Variants in KIF24 observed in about 807,000 individuals in gnomAD.
The protein encoded by KIF24 is kinesin family member 24.
A neutral mutation model predicts 118.9 loss-of-function variants in KIF24; 81 were observed. The ratio of observed to expected loss-of-function variants is 0.68; its 90% CI spans 0.57 to 0.82. The LOEUF (loss-of-function observed/expected upper bound fraction) is 0.82, where lower values mean the gene tolerates loss of function less well. Among genes scored for constraint, KIF24 ranks in the 40% least tolerant of loss-of-function variants. The probability of loss-of-function intolerance (pLI) is 0.00; values close to 1 mark genes in which losing one functional copy is unlikely to be tolerated. For missense variants in KIF24, 1,560 were observed against 1,661.6 expected (o/e 0.94, Z 1.06); for synonymous variants, 599 against 610.0 (o/e 0.98, Z 0.27).
chr9:34,311,423 A>G, intron 1 of KIF24, 52 bp from the exon 2 acceptor site: 4 of 921,194 alleles, frequency 4.3e-6, no homozygotes, highest in Non-Finnish European at 4.5e-6. Flanking sequence ...ATGTAATACA[A>G]TTATTTATTT....
At position 34,256,242 on chromosome 9, in the gene KIF24, T is replaced by TTATTATCAGGGGGAGATGAGGACAG. The variant is rs1352923535; in HGVS notation, c.3340_3364dup (p.Lys1122ThrfsTer7). On this transcript the variant is annotated stop_gained and frameshift_variant, in exon 11 of 13. Transcript: ENST00000402558. LOFTEE classifies it high-confidence loss of function. Reference sequence around the variant, plus strand: ...CAGAGCTGGAAGATCACCACCAGGCTTATTATCAGGGGGAGATGAGGACAG... The same window carrying TTATTATCAGGGGGAGATGAGGACAG: ...CAGAGCTGGAAGATCACCACCAGGCTTATTATCAGGGGGAGATGAGGACAGTATTATCAGGGGGAGATGAGGACAG... The TTATTATCAGGGGGAGATGAGGACAG allele has an allele frequency of 1.9e-6, 3 of 1,604,926 alleles. No individual in the cohort carries two copies. Among genetic ancestry groups the TTATTATCAGGGGGAGATGAGGACAG allele is most frequent in the Non-Finnish European group, 2.6e-6 (3 of 1,175,072 alleles).
chr9:34,330,265 C>T (rs1320331014), upstream of KIF24, among the ~76,000 whole-genome samples: 1 of 152,116 alleles, frequency 6.6e-6, no homozygotes, highest in East Asian at 1.9e-4. Context: ...GTTAGCCAGG[C>T]GTCGTGGCGG....
intron 1 of KIF24, among the ~76,000 whole-genome samples, chr9:34,317,331 A>T (rs1837361895): frequency 1.3e-5 from 2 of 151,910 alleles, no homozygotes. Context: ...CGGACATTGC[A>T]GTGAGCCAAG....
chr9:34,286,840 C>T, intron 5 of KIF24, 136 bp from the exon 6 acceptor site: 1 of 640,436 alleles, frequency 1.6e-6, no homozygotes, highest in Non-Finnish European at 2.8e-6. Flanking sequence ...TTATCCTCCT[C>T]CCAACCCCAC....
upstream of KIF24, among the ~76,000 whole-genome samples, chr9:34,330,948 G>A (rs979091882): frequency 6.6e-6 from 1 of 151,706 alleles, no homozygotes; most frequent in Non-Finnish European, 1.5e-5. Flanking sequence ...GCGACAGAGG[G>A]AGACTCCGTC....
rs771177383 is a variant in KIF24 at position 34,257,054 on chromosome 9, G to A, written c.2553C>T (p.Ser851=). 1.3e-5 allele frequency: 21 copies of A among 1,613,980 alleles called. No individual in the cohort carries two copies. The highest frequency in any genetic ancestry group is 2.2e-5 in the East Asian group (1 of 44,886). ...ATKQRNTLEN[S]EDSFFLHQTW... ...TCTGGTGCAGGAAGAATGAGTCTTC[G>A]CTATTCTCCAGGGTGTTCCTTTGCT... Residue 851 remains serine (S), a synonymous_variant, in exon 11 of 13, where the codon AGC becomes AGT. Transcript: ENST00000402558.
rs71302881 is a variant in KIF24 at position 34,321,623 on chromosome 9, T to TC, written c.-26+7482_-26+7483insG. ...TTCTTCTTTTTTTTTTTTTTTTTTT[T>TC]AGAGAAAGCGTCTCACTCTGTCGCC... On this transcript the variant is annotated intron_variant, in intron 1 of 12. Coordinates refer to ENST00000402558, the MANE Select transcript of KIF24 (RefSeq NM_194313.4). 8.0e-5 allele frequency among the ~76,000 whole-genome samples: 11 copies of TC among 137,672 alleles called. No homozygotes were observed. The South Asian group carries it at 2.6e-3, about 33-fold the overall frequency. The allele number at this position is 137,672 out of a possible 152,430, so 90.3% of individuals were successfully genotyped here.
chr9:34,285,930 TAAAAAAAA>T (rs11283995), intron 6 of KIF24, among the ~76,000 whole-genome samples: 1 of 120,882 alleles, frequency 8.3e-6, no homozygotes, highest in African/African-American at 3.1e-5. Context: ...CCCTGTTGCT[TAAAAAAAA>T]AAAAAAAAAA....
intron 7 of KIF24, among the ~76,000 whole-genome samples, chr9:34,269,594 T>C (rs1456075001): frequency 6.6e-6 from 1 of 151,966 alleles, no homozygotes; most frequent in Non-Finnish European, 1.5e-5. Context: ...TAATTTTTGG[T>C]ATTTTTAGTA....
chr9:34,265,382 C>A (rs1441413706), intron 8 of KIF24, among the ~76,000 whole-genome samples: 3 of 152,176 alleles, frequency 2.0e-5, no homozygotes, highest in African/African-American at 7.2e-5. Context: ...GATGCCCAGG[C>A]TGGTCCTGAA....
intron 6 of KIF24, among the ~76,000 whole-genome samples, chr9:34,283,821 A>C (rs925983026): frequency 8.5e-5 from 13 of 152,228 alleles, no homozygotes; most frequent in Non-Finnish European, 2.9e-5. Context: ...GGGAAATGCA[A>C]ATTAAAACCC....
At chr9:34,319,793 G>A (rs1038347665) in intron 1 of KIF24, 7 of 545,350 alleles carry the variant, frequency 1.3e-5, no homozygotes, top group Admixed American at 9.2e-5. Context: ...CAGGGTTCCC[G>A]TGTGCTTGAA....
Position 34,256,965 on chromosome 9 carries a change from C to T in KIF24, c.2642G>A (p.Arg881Lys), listed in dbSNP as rs776664861. The change falls in exon 11 of 13, where the codon AGG (arginine) becomes AAG (lysine). Residue 881 changes from arginine (R) to lysine (K), a missense_variant. This residue lies in a region of KIF24 where 591 missense variants were observed against 655.6 expected (regional missense o/e 0.90). Coordinates refer to ENST00000402558, the MANE Select transcript of KIF24 (RefSeq NM_194313.4). Reference protein sequence around the residue: ...ERQQSLFSSPRTGDKKDLTKS... With the variant: ...ERQQSLFSSPKTGDKKDLTKS... ...AGTTAGATCTTTCTTGTCACCTGTC[C>T]TGGGGCTAGAAAACAGACTCTGCTG... 8 of 1,613,882 alleles carry T rather than the reference C, an allele frequency of 5.0e-6. No homozygotes were observed. The highest frequency in any genetic ancestry group is 3.3e-5 in the South Asian group (3 of 91,088).
At chr9:34,331,813 G>A (rs1184083904), upstream of KIF24, among the ~76,000 whole-genome samples, 1 of 152,120 alleles carries the variant, frequency 6.6e-6, no homozygotes, top group Non-Finnish European at 1.5e-5. Context: ...AATTCAACTT[G>A]TCCCAAACAA....
intron 1 of KIF24, chr9:34,319,310 T>C (rs1837437090): frequency 2.1e-6 from 2 of 952,850 alleles, no homozygotes; most frequent in South Asian, 1.3e-5. Flanking sequence ...CCTGTCGCCA[T>C]CTCCTTGCCC....
At chr9:34,322,573 G>A (rs557966465) in intron 1 of KIF24, among the ~76,000 whole-genome samples, 18 of 152,086 alleles carry the variant, frequency 1.2e-4, no homozygotes, top group Non-Finnish European at 2.2e-4. Context: ...CTGATACAAG[G>A]CCAGGCACTG....
chr9:34,256,416 C>G lies in KIF24; in HGVS notation c.3191G>C (p.Gly1064Ala). The G allele has an allele frequency of 6.2e-7, 1 of 1,613,920 alleles. No individual in the cohort carries two copies. Among genetic ancestry groups the G allele is most frequent in the Non-Finnish European group, 8.5e-7 (1 of 1,179,890 alleles). The change falls in exon 11 of 13, where the codon GGG becomes GCG. Residue 1064 changes from glycine (G) to alanine (A), a missense_variant. Around this residue, in one of 3 missense-constraint regions of KIF24, gnomAD observed 591 missense variants for 655.6 expected, o/e 0.90. Transcript: ENST00000402558. The stretch of plus-strand genomic sequence containing the variant: ...GACCAGCTGCTCCGAGGGAGGAGAC[C>G]CTTCGTTGTCTGGGTTCTCCAGGAG... ...MSLLENPDNE[G>A]SPPSEQLVQD...
chr9:34,255,722 G>A lies in KIF24; in HGVS notation c.3872+13C>T. On this transcript the variant is annotated intron_variant, in intron 11 of 12. Coordinates refer to ENST00000402558, the MANE Select transcript of KIF24 (RefSeq NM_194313.4). ...CAAAGGGGCTCAAGTCTTAGGGAAA[G>A]TGTCCAACTTACTGCGCTTGCTCCA... 6.3e-7 allele frequency: 1 copy of A among 1,594,820 alleles called. No homozygotes were observed. Among genetic ancestry groups the A allele is most frequent in the African/African-American group, 1.3e-5 (1 of 74,794 alleles).
chr9:34,280,011 G>T (rs1049588969), intron 6 of KIF24, among the ~76,000 whole-genome samples: 2 of 151,744 alleles, frequency 1.3e-5, no homozygotes, highest in African/African-American at 4.9e-5. Flanking sequence ...CCGGCCGGGC[G>T]CGGTGGCTCA....
Sources: allele counts gnomAD v4.1 joint callset (sites outside exome capture counted in the v4.1 genomes callset), GRCh38; gene constraint gnomAD v4.1.1; regional missense constraint gnomAD v4.1.1; transcripts MANE v1.5; gene names NCBI Gene and HGNC (gene_info 2026-07-23, HGNC 2026-07-21).